Variants in NDST4 observed in about 807,000 individuals in gnomAD.
NDST4 encodes N-deacetylase and N-sulfotransferase 4.
NDST4 carries 63 observed loss-of-function variants against 100.8 expected under a neutral mutation model. That is an observed-to-expected ratio of 0.62 (90% CI 0.51 to 0.77). The LOEUF is 0.77. NDST4 is among the 30% of genes least tolerant of loss of function. The pLI, the probability that NDST4 is intolerant of heterozygous loss-of-function variation, is 0.00. For synonymous variants in NDST4, 377 were observed against 361.8 expected (o/e 1.04, Z -0.48); for missense variants, 943 against 1,018.4 (o/e 0.93, Z 1.01).
At chr4:114,948,011 AC>A (rs1725906663) in intron 4 of NDST4, among the ~76,000 whole-genome samples, 2 of 151,980 alleles carry the variant, frequency 1.3e-5, no homozygotes, top group Non-Finnish European at 2.9e-5. Flanking sequence ...ATATTTCCAA[AC>A]TTTTTGGATC....
At chr4:115,109,164 AAAAG>A (rs1729892389) in intron 1 of NDST4, among the ~76,000 whole-genome samples, 1 of 151,818 alleles carries the variant, frequency 6.6e-6, no homozygotes, top group African/African-American at 2.4e-5. Flanking sequence ...AAAAATGAGT[AAAAG>A]AAAGAGAAGA....
chr4:114,980,415 G>C (rs145097626), intron 2 of NDST4, among the ~76,000 whole-genome samples: 2,931 of 152,264 alleles, frequency 0.019, 100 homozygotes, highest in African/African-American at 0.066. Flanking sequence ...GCCGAGGCAG[G>C]TGGATCTTTT....
chr4:114,941,802 C>G (rs1200391659), intron 4 of NDST4, among the ~76,000 whole-genome samples: 1 of 152,074 alleles, frequency 6.6e-6, no homozygotes, highest in Non-Finnish European at 1.5e-5. Context: ...ATGAGTCCTT[C>G]CAAAGATTTT....
intron 4 of NDST4, among the ~76,000 whole-genome samples, chr4:114,939,502 T>C (rs1336227154): frequency 6.6e-6 from 1 of 152,264 alleles, no homozygotes; most frequent in East Asian, 1.9e-4. Context: ...TCTATAACTG[T>C]ATAAATTTGA....
At chr4:114,853,451 T>C (rs1194149036) in intron 7 of NDST4, among the ~76,000 whole-genome samples, 1 of 152,178 alleles carries the variant, frequency 6.6e-6, no homozygotes, top group African/African-American at 2.4e-5. Flanking sequence ...ATTGGTCCAA[T>C]ATTATGCCCA....
chr4:114,869,111 C>T (rs1194526019), intron 7 of NDST4, among the ~76,000 whole-genome samples: 1 of 151,340 alleles, frequency 6.6e-6, no homozygotes, highest in African/African-American at 2.4e-5. Context: ...CATCATGTTG[C>T]CCAAATCATA....
chr4:115,065,529 G>A (rs1289726402), intron 2 of NDST4, among the ~76,000 whole-genome samples: 2 of 151,942 alleles, frequency 1.3e-5, no homozygotes, highest in East Asian at 1.9e-4. Flanking sequence ...TATTGTTTGG[G>A]CTTGTAAATG....
chr4:114,983,492 G>A (rs1460735548), intron 2 of NDST4, among the ~76,000 whole-genome samples: 1 of 152,182 alleles, frequency 6.6e-6, no homozygotes, highest in Non-Finnish European at 1.5e-5. Context: ...AGGGCCTGTA[G>A]CCCCTTTTTT....
intron 7 of NDST4, among the ~76,000 whole-genome samples, chr4:114,866,176 T>C (rs1220476675): frequency 2.0e-5 from 3 of 152,228 alleles, no homozygotes; most frequent in African/African-American, 7.2e-5. Flanking sequence ...GATCACTCTT[T>C]CGTTATTCTC....
rs144671034 is a variant in NDST4, at chr4:115,038,853, G to A, written c.978+37206C>T. On this transcript the variant is annotated intron_variant, in intron 2 of 13. Coordinates refer to ENST00000264363, the MANE Select transcript of NDST4 (RefSeq NM_022569.3). Reference sequence around the variant, plus strand: ...TAATCAAGTGTGATGGCCCATGCCTGTGGTCCCAGCTGTTCAGGAGGCTGA... The same window carrying A: ...TAATCAAGTGTGATGGCCCATGCCTATGGTCCCAGCTGTTCAGGAGGCTGA... Among the ~76,000 whole-genome samples the A allele has an allele frequency of 1.3e-3, 193 of 152,222 alleles. 2 individuals carry two copies. Among genetic ancestry groups the A allele is most frequent in the African/African-American group, 4.2e-3 (176 of 41,550 alleles).
chr4:114,933,450 T>TC (rs1578397856), intron 6 of NDST4, among the ~76,000 whole-genome samples: 1 of 145,646 alleles, frequency 6.9e-6, no homozygotes, highest in East Asian at 2.0e-4. Context: ...TTTTTTTTTT[T>TC]TTTTGTGTGT....
At chr4:114,970,029 CATT>C (rs1726474690) in intron 4 of NDST4, among the ~76,000 whole-genome samples, 1 of 152,018 alleles carries the variant, frequency 6.6e-6, no homozygotes, top group Admixed American at 6.6e-5. Flanking sequence ...GATGGTATCT[CATT>C]GTGGTTTTGA....
chr4:115,078,159 A>G (rs1729229457), intron 1 of NDST4, among the ~76,000 whole-genome samples: 1 of 152,162 alleles, frequency 6.6e-6, no homozygotes, highest in Non-Finnish European at 1.5e-5. Context: ...TTATAAAGAA[A>G]AAAAGGATTA....
rs1385151212 is a variant in NDST4 at position 114,970,598 on chromosome 4, A to T, written c.1067-14T>A. The T allele has an allele frequency of 1.0e-5, 16 of 1,595,666 alleles. No individual in the cohort carries two copies. The highest frequency in any genetic ancestry group is 1.3e-5 in the African/African-American group (1 of 74,122). ...CCTCTTCAGTCCCTTTAAAACATAA[A>T]GTTAAAAATAACTTTAGTGAAAATT... On this transcript the variant is annotated splice_polypyrimidine_tract_variant and intron_variant, in intron 3 of 13. Transcript: ENST00000264363.
chr4:114,960,337 G>C (rs1016051176), intron 4 of NDST4, among the ~76,000 whole-genome samples: 1 of 152,116 alleles, frequency 6.6e-6, no homozygotes, highest in African/African-American at 2.4e-5. Context: ...GCTGGGTGTG[G>C]TGGCTCATGC....
At chr4:115,070,262 G>A (rs1729046013) in intron 2 of NDST4, among the ~76,000 whole-genome samples, 1 of 152,138 alleles carries the variant, frequency 6.6e-6, no homozygotes, top group Admixed American at 6.6e-5. Flanking sequence ...ATCCTCTGCA[G>A]GAACATGGAT....
chr4:115,000,292 A>G (rs545343585), intron 2 of NDST4, among the ~76,000 whole-genome samples: 10 of 152,038 alleles, frequency 6.6e-5, no homozygotes, highest in Non-Finnish European at 1.5e-4. Context: ...AAAGTAAAGT[A>G]TCTTCATTTA....
chr4:114,886,732 A>G (rs1463124846), intron 6 of NDST4, among the ~76,000 whole-genome samples: 1 of 152,152 alleles, frequency 6.6e-6, no homozygotes, highest in African/African-American at 2.4e-5. Context: ...TCAATAAGAA[A>G]ATAAGGAATA....
chr4:114,963,354 T>C (rs1043073057), intron 4 of NDST4, among the ~76,000 whole-genome samples: 3 of 152,212 alleles, frequency 2.0e-5, no homozygotes, highest in Non-Finnish European at 4.4e-5. Context: ...TGTATGATTC[T>C]ACTTATATCC....
Sources: allele counts gnomAD v4.1 joint callset (sites outside exome capture counted in the v4.1 genomes callset), GRCh38; gene constraint gnomAD v4.1.1; transcripts MANE v1.5; gene names NCBI Gene and HGNC (gene_info 2026-07-23, HGNC 2026-07-21).